The following ATP11A variants were observed in gnomAD, a reference collection of about 807,000 sequenced individuals.
The protein encoded by ATP11A is ATPase phospholipid transporting 11A, also known as phospholipid-transporting ATPase IH.
ATP11A carries 81 observed loss-of-function variants against 154.4 expected under a neutral mutation model. The observed-to-expected ratio is 0.52, with a 90% CI of 0.44 to 0.63. ATP11A has a LOEUF of 0.63. Among genes scored for constraint, ATP11A ranks in the 30% least tolerant of loss-of-function variants. The pLI is 0.00. For missense variants in ATP11A, 1,316 were observed against 1,474.3 expected (o/e 0.89, Z 1.76); for synonymous variants, 623 against 585.9 (o/e 1.06, Z -0.91).
chr13:112,855,774 G>A (rs1454352440), intron 19 of ATP11A, 137 bp from the exon 20 acceptor site: 7 of 747,262 alleles, frequency 9.4e-6, no homozygotes, highest in Non-Finnish European at 1.5e-5. Context: ...TATAAAAATT[G>A]TATTGGTAAA....
Position 112,851,018 on chromosome 13 carries a change from G to T in ATP11A, c.1810-19G>T, listed in dbSNP as rs752267294. On this transcript the variant is annotated intron_variant, in intron 17 of 29. Coordinates refer to ENST00000375645, the MANE Select transcript of ATP11A (RefSeq NM_015205.3). ...GTGACACCTTGAATTCGTGCTAAAC[G>T]CTGCATTGTGTTCTGCAGGAGGGGC... 1 of 1,608,256 alleles carries T rather than the reference G, an allele frequency of 6.2e-7. No individual in the cohort carries two copies. The highest frequency in any genetic ancestry group is 1.3e-5 in the African/African-American group (1 of 74,796).
In ATP11A at chr13:112,696,559, T is replaced by G. The variant is rs570805737; in HGVS notation, c.39+6104T>G. Reference sequence around the variant, plus strand: ...TTGCCGTCCCGCTGTTGGCACCGCTTTAGACCCCATATTTCCCAGCGGTCA... The same window carrying G: ...TTGCCGTCCCGCTGTTGGCACCGCTGTAGACCCCATATTTCCCAGCGGTCA... On this transcript the variant is annotated intron_variant, in intron 1 of 29. Transcript: ENST00000375645. This position sits in a 1 kb window ranked among gnomAD's most constrained non-coding sequence, Gnocchi z 6.2. Among the ~76,000 whole-genome samples, 5 of 152,264 alleles carry G rather than the reference T, an allele frequency of 3.3e-5. No individual in the cohort carries two copies. The South Asian group carries it at 1.0e-3, about 32-fold the overall frequency.
chr13:112,793,969 C>T (rs1274377774), intron 2 of ATP11A, among the ~76,000 whole-genome samples: 1 of 152,228 alleles, frequency 6.6e-6, no homozygotes, highest in Non-Finnish European at 1.5e-5. Flanking sequence ...TGAGGCGTTC[C>T]AGCTCAGGGC....
At chr13:112,732,492 C>G (rs942687556) in intron 1 of ATP11A, among the ~76,000 whole-genome samples, 1 of 151,914 alleles carries the variant, frequency 6.6e-6, no homozygotes, top group Non-Finnish European at 1.5e-5. Context: ...CTCTCCAGCT[C>G]CATCTCTCTC....
intron 1 of ATP11A, among the ~76,000 whole-genome samples, chr13:112,749,829 C>T (rs1019678224): frequency 6.3e-5 from 8 of 125,996 alleles, no homozygotes; most frequent in African/African-American, 9.3e-5. Flanking sequence ...TCGTGAATTT[C>T]TGTCTTAGGG....
chr13:112,876,119 G>T, intron 28 of ATP11A, 178 bp downstream of exon 28: 1 of 554,742 alleles, frequency 1.8e-6, no homozygotes, highest in Non-Finnish European at 2.8e-6. Flanking sequence ...CATTTGCGAT[G>T]ACCGATGTCT....
intron 1 of ATP11A, among the ~76,000 whole-genome samples, chr13:112,767,744 A>G (rs1250951983): frequency 6.6e-6 from 1 of 152,128 alleles, no homozygotes; most frequent in East Asian, 1.9e-4. Flanking sequence ...ATCAGTAGCC[A>G]CACTGCAAAC....
chr13:112,856,852 G>C (rs1051702827), intron 20 of ATP11A: 4 of 152,242 alleles, frequency 2.6e-5, no homozygotes, highest in African/African-American at 9.7e-5. Flanking sequence ...TGGAAACCAA[G>C]GAGGTGAAAA....
At chr13:112,789,163 T>G in intron 2 of ATP11A, among the ~76,000 whole-genome samples, 1 of 146,996 alleles carries the variant, frequency 6.8e-6, no homozygotes, top group African/African-American at 2.6e-5. Flanking sequence ...AGTGTCCTGA[T>G]GTGTAGACTC....
At chr13:112,722,115 G>A (rs1889269599) in intron 1 of ATP11A, among the ~76,000 whole-genome samples, 1 of 152,178 alleles carries the variant, frequency 6.6e-6, no homozygotes, top group Admixed American at 6.5e-5. Flanking sequence ...AAATATGAGT[G>A]ACCATGGCCT....
At chr13:112,781,915 C>CT (rs1176321096) in intron 1 of ATP11A, among the ~76,000 whole-genome samples, 4 of 152,084 alleles carry the variant, frequency 2.6e-5, no homozygotes, top group Non-Finnish European at 4.4e-5. Context: ...GTGAGGCCGT[C>CT]TAAGTGACCT....
chr13:112,775,803 A>G (rs2077334006), intron 1 of ATP11A, among the ~76,000 whole-genome samples: 1 of 152,178 alleles, frequency 6.6e-6, no homozygotes, highest in African/African-American at 2.4e-5. Flanking sequence ...AGGGAAGCCC[A>G]GCCCACACCT....
chr13:112,768,910 T>C (rs2077161959), intron 1 of ATP11A, among the ~76,000 whole-genome samples: 1 of 152,212 alleles, frequency 6.6e-6, no homozygotes, highest in Non-Finnish European at 1.5e-5. Context: ...TGGGCCTGTT[T>C]TCCGATTCCT....
At chr13:112,860,033 CT>C (rs1424366795) in intron 23 of ATP11A, among the ~76,000 whole-genome samples, 1 of 150,792 alleles carries the variant, frequency 6.6e-6, no homozygotes, top group African/African-American at 2.4e-5. Context: ...TTTTCTGTGA[CT>C]TTTTTCCTTT....
At chr13:112,691,484 GTGTGTGTGTGT>G (rs1885180901) in intron 1 of ATP11A, among the ~76,000 whole-genome samples, 2 of 34,854 alleles carry the variant, frequency 5.7e-5, no homozygotes, top group African/African-American at 2.0e-4. Context: ...AAAAAAAAGG[GTGTGTGTGTGT>G]GTGTGTGTGT....
intron 1 of ATP11A, among the ~76,000 whole-genome samples, chr13:112,767,870 A>G (rs1177233558): frequency 7.9e-5 from 12 of 151,842 alleles, no homozygotes; most frequent in Admixed American, 7.9e-4. Flanking sequence ...CTGCGTGCAG[A>G]CCCCTCGCAG....
chr13:112,733,242 C>T (rs1391348806), intron 1 of ATP11A, among the ~76,000 whole-genome samples: 2 of 152,144 alleles, frequency 1.3e-5, no homozygotes, highest in Admixed American at 1.3e-4. Context: ...GCACACGGCG[C>T]GGGGCACAGC....
intron 5 of ATP11A, among the ~76,000 whole-genome samples, chr13:112,814,909 A>T (rs922447767): frequency 6.6e-6 from 1 of 152,258 alleles, no homozygotes; most frequent in Non-Finnish European, 1.5e-5. Context: ...GGATTTTGAT[A>T]GGGATTTTAC....
At chr13:112,831,332 G>A (rs1267274214) in intron 12 of ATP11A, 43 bp from the exon 13 acceptor site, 2 of 1,598,918 alleles carry the variant, frequency 1.3e-6, no homozygotes, top group Non-Finnish European at 1.7e-6. Context: ...GGGACGTGCG[G>A]GCCTCCCTCA....
Sources: gnomAD v4.1 joint callset for allele counts (sites outside exome capture counted in the v4.1 genomes callset) on GRCh38, gnomAD v4.1.1 for gene constraint, Gnocchi (gnomAD v3.1) non-coding constraint, MANE v1.5 for transcripts, NCBI Gene and HGNC (gene_info 2026-07-23, HGNC 2026-07-21) for gene names.